Variants in SAMD12 observed in about 807,000 individuals in gnomAD.
The protein encoded by SAMD12 is sterile alpha motif domain-containing protein 12.
SAMD12 carries 9 observed loss-of-function variants against 15.0 expected under a neutral mutation model. The ratio of observed to expected loss-of-function variants is 0.60; its 90% CI spans 0.36 to 1.05. SAMD12 has a LOEUF of 1.05. Ranked by LOEUF, SAMD12 falls within the 50% of genes least tolerant of loss-of-function variation. The pLI, the probability that SAMD12 is intolerant of heterozygous loss-of-function variation, is 0.01. For synonymous variants in SAMD12, 86 were observed against 90.1 expected, an observed-to-expected ratio of 0.96 and a Z score of 0.25; for missense variants, 230 against 234.2, an observed-to-expected ratio of 0.98 and a Z score of 0.12.
At chr8:118,140,624 G>C in the SAMD12 span, among the ~76,000 whole-genome samples, 1 of 152,274 alleles carries the variant, frequency 6.6e-6, no homozygotes, top group South Asian at 2.1e-4. Context: ...TTGGGGGTAA[G>C]AGACAATGAC....
chr8:118,142,174 AC>A, the SAMD12 span, among the ~76,000 whole-genome samples: 2 of 152,016 alleles, frequency 1.3e-5, no homozygotes, highest in African/African-American at 4.8e-5. Context: ...AGGTCCTTGA[AC>A]CTCTTGTTTC....
At chr8:118,225,404 TG>T (rs1462705376) in intron 4 of SAMD12, among the ~76,000 whole-genome samples, 1 of 152,164 alleles carries the variant, frequency 6.6e-6, no homozygotes, top group Non-Finnish European at 1.5e-5. Context: ...GCAGAGGACG[TG>T]GCCTCACTTC....
intron 4 of SAMD12, among the ~76,000 whole-genome samples, chr8:118,281,387 A>C (rs555996536): frequency 2.0e-3 from 312 of 152,294 alleles, no homozygotes; most frequent in Non-Finnish European, 3.6e-3. Context: ...GAGGGCCTGG[A>C]ATGCAGATGC....
intron 2 of SAMD12, among the ~76,000 whole-genome samples, chr8:118,484,429 G>A (rs1466811920): frequency 6.6e-6 from 1 of 152,058 alleles, no homozygotes; most frequent in Non-Finnish European, 1.5e-5. Flanking sequence ...TTTATGTTAA[G>A]TACTCTTATC....
intron 2 of SAMD12, among the ~76,000 whole-genome samples, chr8:118,544,523 T>C (rs1181050751): frequency 1.3e-5 from 2 of 152,172 alleles, no homozygotes; most frequent in Non-Finnish European, 2.9e-5. Context: ...TTGCGAGGGC[T>C]GAAAGTCAGT....
intron 4 of SAMD12, among the ~76,000 whole-genome samples, chr8:118,294,858 A>G (rs1814623473): frequency 6.6e-6 from 1 of 152,144 alleles, no homozygotes; most frequent in African/African-American, 2.4e-5. Context: ...GGGAATTTTT[A>G]CAAGTGATTA....
chr8:118,477,042 C>T (rs1431707842), intron 2 of SAMD12, among the ~76,000 whole-genome samples: 1 of 150,892 alleles, frequency 6.6e-6, no homozygotes, highest in African/African-American at 2.4e-5. Context: ...CGAGATGGAC[C>T]ACTGGCTGAT....
intron 2 of SAMD12, among the ~76,000 whole-genome samples, chr8:118,564,226 C>T (rs1302209564): frequency 2.0e-5 from 3 of 150,094 alleles, no homozygotes; most frequent in African/African-American, 7.4e-5. Context: ...CTCCTCAACA[C>T]ACACACATAC....
chr8:118,429,050 T>C (rs1292907308), intron 3 of SAMD12, among the ~76,000 whole-genome samples: 1 of 152,222 alleles, frequency 6.6e-6, no homozygotes, highest in Non-Finnish European at 1.5e-5. Flanking sequence ...ATTTTAACAT[T>C]GAGTCTTCTA....
chr8:118,378,846 CCA>C lies in SAMD12; in HGVS notation c.*569_*570del, dbSNP rs1819516891. The C allele has an allele frequency of 1.0e-6, 1 of 984,784 alleles. No homozygotes were observed. The highest frequency in any genetic ancestry group is 1.7e-5 in the African/African-American group (1 of 57,204). The allele number at this position is 984,784 out of a possible 1,614,324, so 61.0% of individuals were successfully genotyped here. A position where few individuals can be genotyped will look rare whatever the true frequency, so the allele number is the denominator to read the frequency against. Reference sequence around the variant, plus strand: ...GAATTCTAGCTTTATTTTGTCACTTCCACAGTTATTGAGATCTTAAGTGCTCT... The same window carrying C: ...GAATTCTAGCTTTATTTTGTCACTTCCAGTTATTGAGATCTTAAGTGCTCT... On this transcript the variant is annotated 3_prime_UTR_variant, in exon 4 of 4. Transcript: ENST00000314727.
chr8:118,444,311 T>TTGCTTATTC (rs2130899338), intron 2 of SAMD12, among the ~76,000 whole-genome samples: 1 of 152,298 alleles, frequency 6.6e-6, no homozygotes, highest in African/African-American at 2.4e-5. Flanking sequence ...TTGGTTTATT[T>TTGCTTATTC]TGCTGCCCTG....
At chr8:118,240,324 C>T (rs1812536129) in intron 4 of SAMD12, among the ~76,000 whole-genome samples, 1 of 152,132 alleles carries the variant, frequency 6.6e-6, no homozygotes, top group Admixed American at 6.6e-5. Context: ...CTCTCAGAAA[C>T]CATGAGATAT....
chr8:118,396,553 G>A (rs968298418), intron 3 of SAMD12, among the ~76,000 whole-genome samples: 6 of 152,176 alleles, frequency 3.9e-5, no homozygotes, highest in African/African-American at 1.4e-4. Context: ...TTTCCTGAGT[G>A]AATAAATGGC....
chr8:118,300,336 C>T (rs1281761696), intron 4 of SAMD12, among the ~76,000 whole-genome samples: 14 of 152,136 alleles, frequency 9.2e-5, no homozygotes, highest in Non-Finnish European at 1.9e-4. Flanking sequence ...CCTAGTTTCT[C>T]CTATTCTCTG....
the SAMD12 span, among the ~76,000 whole-genome samples, chr8:118,180,711 T>C: frequency 1.3e-5 from 2 of 151,372 alleles, no homozygotes; most frequent in African/African-American, 4.8e-5. Flanking sequence ...TAGCTGGGAT[T>C]ACTGGCACAT....
intron 3 of SAMD12, among the ~76,000 whole-genome samples, chr8:118,409,687 C>T (rs1412533213): frequency 1.3e-5 from 2 of 151,672 alleles, no homozygotes; most frequent in Non-Finnish European, 2.9e-5. Context: ...CTGATCAGTA[C>T]TGGGATGTAC....
At chr8:118,328,307 T>A (rs1040361263) in intron 4 of SAMD12, among the ~76,000 whole-genome samples, 1 of 152,208 alleles carries the variant, frequency 6.6e-6, no homozygotes, top group African/African-American at 2.4e-5. Flanking sequence ...TCTGGGCTCT[T>A]CCTACAGGCT....
chr8:118,148,291 T>C, the SAMD12 span, among the ~76,000 whole-genome samples: 2 of 151,846 alleles, frequency 1.3e-5, no homozygotes, highest in East Asian at 3.9e-4. Context: ...CTCAAACTCA[T>C]GGGTTCAAGA....
At chr8:118,474,281 G>C (rs1823893387) in intron 2 of SAMD12, among the ~76,000 whole-genome samples, 1 of 151,960 alleles carries the variant, frequency 6.6e-6, no homozygotes, top group African/African-American at 2.4e-5. Context: ...TTTATTCAAA[G>C]CCCAACATAA....
Sources: gnomAD v4.1 joint callset for allele counts (sites outside exome capture counted in the v4.1 genomes callset) on GRCh38, gnomAD v4.1.1 for gene constraint, MANE v1.5 for transcripts, NCBI Gene and HGNC (gene_info 2026-07-23, HGNC 2026-07-21) for gene names.